PKHD1: variants seen among roughly 807,000 people sequenced by gnomAD.
The protein encoded by PKHD1 is PKHD1 ciliary IPT domain containing fibrocystin/polyductin.
PKHD1 carries 291 observed loss-of-function variants against 412.0 expected under a neutral mutation model. That is an observed-to-expected ratio of 0.71 (90% confidence interval 0.64 to 0.78). The LOEUF is 0.78. Ranked by LOEUF, PKHD1 falls within the 30% of genes least tolerant of loss-of-function variation. The pLI is 0.00. For missense variants in PKHD1, 4,825 were observed against 4,950.7 expected (o/e 0.97, Z 0.76); for synonymous variants, 1,777 against 1,821.5 (o/e 0.98, Z 0.62).
At chr6:51,800,291 T>C (rs370678936) in intron 52 of PKHD1, among the ~76,000 whole-genome samples, 1 of 152,162 alleles carries the variant, frequency 6.6e-6, no homozygotes, top group Admixed American at 6.6e-5. Context: ...AGTGTTCTAT[T>C]TTTACAATTA....
intron 13 of PKHD1, among the ~76,000 whole-genome samples, chr6:52,063,256 G>A (rs557219343): frequency 1.3e-5 from 2 of 152,286 alleles, no homozygotes; most frequent in East Asian, 3.9e-4. Flanking sequence ...CAAAGGCACA[G>A]GTGCAATCAA....
chr6:51,832,185 C>G (rs1191630916), intron 51 of PKHD1, among the ~76,000 whole-genome samples: 2 of 152,054 alleles, frequency 1.3e-5, no homozygotes, highest in Non-Finnish European at 2.9e-5. Flanking sequence ...TACACAGGCA[C>G]TGAGGGGAGT....
chr6:51,884,141 C>T (rs1180220465), intron 45 of PKHD1, among the ~76,000 whole-genome samples: 9 of 152,204 alleles, frequency 5.9e-5, no homozygotes, highest in Admixed American at 5.2e-4. Flanking sequence ...CAATTTTTTG[C>T]TAATTTTATT....
chr6:51,844,696 G>C (rs1770849973), intron 50 of PKHD1, among the ~76,000 whole-genome samples: 1 of 152,148 alleles, frequency 6.6e-6, no homozygotes, highest in Non-Finnish European at 1.5e-5. Context: ...TTCCTATCCT[G>C]GGGGAAGTGG....
chr6:52,042,874 T>C lies in PKHD1; in HGVS notation c.3082A>G (p.Arg1028Gly). ...KPRLDMVEPS[R>G]AADIGGLWAT... ...CCCAGATTACCAATATCCGCAGCTC[T>C]GGAAGGCTCCACCATATCCAGTCTA... is the stretch of plus-strand genomic sequence containing the variant. Residue 1028 changes from arginine to glycine, a missense_variant, in exon 27 of 67, where the codon AGA becomes GGA. Arg to Gly is a moderately radical substitution (Grantham distance 125). Transcript: ENST00000371117. The C allele has an allele frequency of 6.2e-7, 1 of 1,613,808 alleles. No individual in the cohort carries two copies. Among genetic ancestry groups the C allele is most frequent in the East Asian group, 2.2e-5 (1 of 44,872 alleles).
At chr6:51,629,398 C>T (rs1334637112) in intron 65 of PKHD1, among the ~76,000 whole-genome samples, 1 of 151,840 alleles carries the variant, frequency 6.6e-6, no homozygotes, top group Non-Finnish European at 1.5e-5. Context: ...AAAAAATGGG[C>T]AAAGGACGTG....
chr6:51,688,195 TC>T (rs1777684843), intron 60 of PKHD1, among the ~76,000 whole-genome samples: 2 of 152,184 alleles, frequency 1.3e-5, no homozygotes, highest in Admixed American at 6.6e-5. Context: ...ATACAGTATT[TC>T]CCCCTTCACA....
In PKHD1 at chr6:51,702,890, A is replaced by ATTT. The variant is rs11447702; in HGVS notation, c.10156+41492_10156+41494dup. On this transcript the variant is annotated intron_variant, in intron 60 of 66. Transcript: ENST00000371117. ...TGGGATTCAGAATTATCAGAAATCAATTTTTTTTTTTTTTTTTGCTTGCGG... is the reference window on the plus strand; with the variant it reads ...TGGGATTCAGAATTATCAGAAATCAATTTTTTTTTTTTTTTTTTTTGCTTGCGG... Among the ~76,000 whole-genome samples the ATTT allele has an allele frequency of 2.9e-4, 40 of 138,286 alleles. 1 individual carries two copies. The South Asian group carries it at 3.4e-3, about 12-fold the overall frequency. 90.7% of individuals were successfully genotyped at this position (138,286 alleles called of 152,430 possible). A position where few individuals can be genotyped will look rare whatever the true frequency, so the allele number is the denominator to read the frequency against.
At chr6:51,771,543 C>G (rs1171091704) in intron 55 of PKHD1, among the ~76,000 whole-genome samples, 1 of 151,478 alleles carries the variant, frequency 6.6e-6, no homozygotes, top group Non-Finnish European at 1.5e-5. Context: ...CACTTGAACC[C>G]AGGAGGTGGA....
At chr6:51,666,182 C>A (rs1374011869) in intron 60 of PKHD1, among the ~76,000 whole-genome samples, 2 of 151,770 alleles carry the variant, frequency 1.3e-5, no homozygotes, top group Non-Finnish European at 2.9e-5. Flanking sequence ...AAAGTAGGTA[C>A]AAAGATATCA....
At chr6:51,793,838 G>A (rs6900031) in intron 52 of PKHD1, among the ~76,000 whole-genome samples, 52,874 of 151,980 alleles carry the variant, frequency 0.35, 11,244 homozygotes, top group East Asian at 0.68. Context: ...GAACGTATGC[G>A]TGCATGTGTC....
intron 66 of PKHD1, among the ~76,000 whole-genome samples, chr6:51,620,950 C>G (rs1442817216): frequency 6.6e-6 from 1 of 151,968 alleles, no homozygotes; most frequent in African/African-American, 2.4e-5. Context: ...ATTTGTCTAG[C>G]ATGTATCTTC....
At chr6:51,731,448 TC>T (rs1484070367) in intron 60 of PKHD1, among the ~76,000 whole-genome samples, 1 of 152,192 alleles carries the variant, frequency 6.6e-6, no homozygotes, top group Admixed American at 6.5e-5. Flanking sequence ...ATTCTCAGTC[TC>T]AGAAAATCTT....
chr6:51,847,953 G>T lies in PKHD1; in HGVS notation c.7929C>A (p.Asp2643Glu), dbSNP rs774732259. The T allele has an allele frequency of 1.9e-6, 3 of 1,613,354 alleles. No individual in the cohort carries two copies. The highest frequency in any genetic ancestry group is 2.5e-6 in the Non-Finnish European group (3 of 1,179,318). Residue 2643 changes from aspartate (D) to glutamate (E), a missense_variant, in exon 50 of 67, where the codon GAC (aspartate) becomes GAA (glutamate). Physicochemically the swap from Asp to Glu is conservative, Grantham distance 45. Transcript: ENST00000371117. ...GTAGGTAATTACCAGGAGCAAAGTT[G>T]TCAAAGGTTGCTGAGTACTTGAAGT... is the stretch of plus-strand genomic sequence containing the variant. ...NRSLQYSATF[D>E]NFAPGNYLLL...
intron 37 of PKHD1, among the ~76,000 whole-genome samples, chr6:51,932,591 G>C (rs188874358): frequency 1.3e-5 from 2 of 152,286 alleles, no homozygotes; most frequent in East Asian, 3.9e-4. Flanking sequence ...GCAAACATTT[G>C]AAAACCATGG....
At chr6:51,692,841 CCAAT>C (rs1432155144) in intron 60 of PKHD1, among the ~76,000 whole-genome samples, 8 of 152,124 alleles carry the variant, frequency 5.3e-5, no homozygotes, top group African/African-American at 1.9e-4. Flanking sequence ...AGATTTTGCC[CCAAT>C]CACTCTGTCA....
At chr6:51,887,634 C>T (rs1395243183) in intron 43 of PKHD1, among the ~76,000 whole-genome samples, 2 of 152,136 alleles carry the variant, frequency 1.3e-5, no homozygotes, top group Non-Finnish European at 2.9e-5. Context: ...TGGCTCCCAC[C>T]TTGTCTTGCC....
intron 52 of PKHD1, among the ~76,000 whole-genome samples, chr6:51,817,832 A>G (rs1483162393): frequency 4.9e-5 from 1 of 20,270 alleles, no homozygotes; most frequent in Non-Finnish European, 2.7e-3. Flanking sequence ...AGTGCCTGCC[A>G]TTTGCACCCC....
chr6:51,655,148 T>C (rs566378202), intron 61 of PKHD1, among the ~76,000 whole-genome samples: 23 of 152,078 alleles, frequency 1.5e-4, no homozygotes, highest in Non-Finnish European at 3.2e-4. Context: ...ATTTTTGTCA[T>C]AGGGAAGAAA....
Sources: allele counts gnomAD v4.1 joint callset (sites outside exome capture counted in the v4.1 genomes callset), GRCh38; gene constraint gnomAD v4.1.1; transcripts MANE v1.5; gene names NCBI Gene and HGNC (gene_info 2026-07-23, HGNC 2026-07-21).